Variants in GALNT13 observed in about 807,000 individuals in gnomAD.
GALNT13 encodes polypeptide N-acetylgalactosaminyltransferase 13, also known as UDP-GalNAc:polypeptide N-acetylgalactosaminyltransferase 13.
A neutral mutation model predicts 64.2 loss-of-function variants in GALNT13; 28 were observed. The observed-to-expected ratio is 0.44, with a 90% CI of 0.32 to 0.60. The LOEUF (loss-of-function observed/expected upper bound fraction) is 0.60, where lower values mean the gene tolerates loss of function less well. Among genes scored for constraint, GALNT13 ranks in the 20% least tolerant of loss-of-function variants. The pLI, the probability that GALNT13 is intolerant of heterozygous loss-of-function variation, is 0.05. For synonymous variants in GALNT13, 214 were observed against 224.6 expected, an observed-to-expected ratio of 0.95 and a Z score of 0.42; for missense variants, 577 against 669.8, an observed-to-expected ratio of 0.86 and a Z score of 1.53.
chr2:154,287,078 C>A, intron 8 of GALNT13: 4 of 811,860 alleles, frequency 4.9e-6, no homozygotes, highest in Non-Finnish European at 2.1e-6. Flanking sequence ...GCTCATCCAC[C>A]CACCTTTGGG....
At chr2:153,420,473 T>C in the GALNT13 span, among the ~76,000 whole-genome samples, 3 of 152,182 alleles carry the variant, frequency 2.0e-5, no homozygotes, top group Non-Finnish European at 2.9e-5. Context: ...TCCATGTATA[T>C]GGAAATTTTA....
chr2:153,595,801 C>T, the GALNT13 span, among the ~76,000 whole-genome samples: 2 of 152,134 alleles, frequency 1.3e-5, no homozygotes, highest in African/African-American at 2.4e-5. Context: ...GAATCATTTT[C>T]ATTTAAGTCA....
At chr2:153,992,294 A>G (rs1009092559) in intron 3 of GALNT13, among the ~76,000 whole-genome samples, 2 of 152,188 alleles carry the variant, frequency 1.3e-5, no homozygotes, top group Non-Finnish European at 1.5e-5. Context: ...CATGTTTATA[A>G]TTAGTGTGCT....
At chr2:153,485,246 G>C in the GALNT13 span, among the ~76,000 whole-genome samples, 1 of 152,008 alleles carries the variant, frequency 6.6e-6, no homozygotes, top group Non-Finnish European at 1.5e-5. Flanking sequence ...AGACATATTT[G>C]TAAATTGATT....
the GALNT13 span, among the ~76,000 whole-genome samples, chr2:153,590,080 A>G: frequency 1.3e-5 from 2 of 152,162 alleles, no homozygotes; most frequent in Non-Finnish European, 2.9e-5. Flanking sequence ...TAAAAGATAA[A>G]TGAAATTGAT....
At chr2:153,408,297 C>T in the GALNT13 span, among the ~76,000 whole-genome samples, 1 of 151,924 alleles carries the variant, frequency 6.6e-6, no homozygotes, top group Non-Finnish European at 1.5e-5. Flanking sequence ...CTGAGTAACA[C>T]CTGTGCAGAA....
At chr2:153,722,395 G>T in the GALNT13 span, among the ~76,000 whole-genome samples, 1 of 138,544 alleles carries the variant, frequency 7.2e-6, no homozygotes, top group Admixed American at 7.0e-5. Context: ...ACAATTAAAA[G>T]AACTAGAAAA....
the GALNT13 span, among the ~76,000 whole-genome samples, chr2:153,317,396 A>G: frequency 1.3e-5 from 2 of 152,160 alleles, no homozygotes; most frequent in African/African-American, 4.8e-5. Context: ...TTGACTTCTC[A>G]CCTGCTGACC....
chr2:153,102,577 T>C, the GALNT13 span, among the ~76,000 whole-genome samples: 1 of 152,196 alleles, frequency 6.6e-6, no homozygotes, highest in Non-Finnish European at 1.5e-5. Flanking sequence ...TGAATTGCTA[T>C]CATTTTAGGC....
chr2:153,816,052 A>G, the GALNT13 span, among the ~76,000 whole-genome samples: 310 of 152,314 alleles, frequency 2.0e-3, 2 homozygotes, highest in African/African-American at 6.8e-3. Flanking sequence ...GGCCAGTTCC[A>G]TGTTCTGTGA....
intron 3 of GALNT13, among the ~76,000 whole-genome samples, chr2:154,049,486 A>T (rs1043262577): frequency 8.0e-4 from 116 of 144,624 alleles, no homozygotes; most frequent in South Asian, 1.5e-3. Flanking sequence ...TCACTGTGAT[A>T]TGAAATATAT....
the GALNT13 span, among the ~76,000 whole-genome samples, chr2:153,698,256 A>T: frequency 1.3e-5 from 2 of 152,158 alleles, no homozygotes; most frequent in Admixed American, 1.3e-4. Flanking sequence ...ATTAACCTTA[A>T]ATGTAAATGG....
chr2:153,920,622 A>T (rs1260958417), intron 2 of GALNT13, among the ~76,000 whole-genome samples: 1 of 152,146 alleles, frequency 6.6e-6, no homozygotes, highest in African/African-American at 2.4e-5. Flanking sequence ...AAAAATAAAA[A>T]TTGACAAATG....
intron 4 of GALNT13, among the ~76,000 whole-genome samples, chr2:154,194,732 T>C (rs866340987): frequency 6.6e-6 from 1 of 152,036 alleles, no homozygotes; most frequent in African/African-American, 2.4e-5. Flanking sequence ...TGCCACGAAC[T>C]AGGAACTAAT....
the GALNT13 span, among the ~76,000 whole-genome samples, chr2:153,632,077 C>T: frequency 6.6e-6 from 1 of 152,148 alleles, no homozygotes. Context: ...TTATCAAGCT[C>T]TAATCTGAAT....
chr2:153,650,759 C>T, the GALNT13 span, among the ~76,000 whole-genome samples: 2 of 151,728 alleles, frequency 1.3e-5, no homozygotes, highest in East Asian at 3.9e-4. Flanking sequence ...GGGTTAATAC[C>T]CAGGCAAACA....
In GALNT13 at chr2:153,907,617, G is replaced by C. The variant is rs1688666157; in HGVS notation, c.-105+6610G>C. ...TCCCTTCTTTGTGTCCATGTGTTCT[G>C]ATCACTTAGCCTCCACTTACAAATG... On this transcript the variant is annotated intron_variant, in intron 2 of 12. Transcript: ENST00000392825. Among the ~76,000 whole-genome samples the C allele has an allele frequency of 3.3e-5, 5 of 151,746 alleles. No individual in the cohort carries two copies. In the South Asian group the frequency reaches 1.0e-3, roughly 31 times the overall value.
the GALNT13 span, among the ~76,000 whole-genome samples, chr2:153,442,041 G>A: frequency 6.6e-6 from 1 of 152,166 alleles, no homozygotes; most frequent in Admixed American, 6.5e-5. Flanking sequence ...CAAAGGGAAT[G>A]CTTCCAGCTT....
the GALNT13 span, among the ~76,000 whole-genome samples, chr2:153,074,735 G>A: frequency 6.6e-6 from 1 of 152,136 alleles, no homozygotes; most frequent in Non-Finnish European, 1.5e-5. Flanking sequence ...TGTTATAATA[G>A]TGATTATTGA....
Sources: gnomAD v4.1 joint callset for allele counts (sites outside exome capture counted in the v4.1 genomes callset) on GRCh38, gnomAD v4.1.1 for gene constraint, MANE v1.5 for transcripts, NCBI Gene and HGNC (gene_info 2026-07-23, HGNC 2026-07-21) for gene names.